The following TRPM6 variants were observed in gnomAD, a reference collection of about 807,000 sequenced individuals.
TRPM6 encodes transient receptor potential cation channel subfamily M member 6, also known as channel kinase 2.
In TRPM6, 111 loss-of-function variants were observed where a neutral mutation model predicts 247.6. The observed-to-expected ratio is 0.45, with a 90% CI of 0.38 to 0.52. The LOEUF (loss-of-function observed/expected upper bound fraction) is 0.52. Among genes scored for constraint, TRPM6 ranks in the 20% least tolerant of loss-of-function variants. The pLI, the probability that TRPM6 is intolerant of heterozygous loss-of-function variation, is 0.00. For missense variants in TRPM6, 2,126 were observed against 2,421.5 expected (o/e 0.88, Z 2.56); for synonymous variants, 892 against 853.8 (o/e 1.04, Z -0.78).
At chr9:74,761,153 T>C (rs1185612517) in intron 27 of TRPM6, among the ~76,000 whole-genome samples, 1 of 152,186 alleles carries the variant, frequency 6.6e-6, no homozygotes, top group Non-Finnish European at 1.5e-5. Context: ...TGCTCATAAA[T>C]TACTGGTGGG....
intron 11 of TRPM6, among the ~76,000 whole-genome samples, chr9:74,813,962 T>C (rs959676755): frequency 6.6e-6 from 1 of 152,092 alleles, no homozygotes; most frequent in Non-Finnish European, 1.5e-5. Context: ...CCAGGTGTGG[T>C]GGCAGGAACC....
chr9:74,840,185 A>G lies in TRPM6; in HGVS notation c.383T>C (p.Leu128Ser), dbSNP rs746825116. The G allele has an allele frequency of 1.2e-6, 2 of 1,614,050 alleles. No homozygotes were observed. Among genetic ancestry groups the G allele is most frequent in the African/African-American group, 1.3e-5 (1 of 74,932 alleles). Residue 128 changes from leucine (L) to serine (S), a missense_variant, in exon 5 of 39, where the codon TTG becomes TCG. Physicochemically the swap from Leu to Ser is moderately radical, Grantham distance 145. Transcript: ENST00000360774. ...TKLDHLLHLM[L>S]KEWKMELPKL... ...GGGCAGTTCCATTTTCCACTCTTTC[A>G]ACATTAAATGTAACAGATGATCCAG...
intron 17 of TRPM6, among the ~76,000 whole-genome samples, chr9:74,797,911 C>T (rs1828158042): frequency 6.6e-6 from 1 of 152,170 alleles, no homozygotes. Context: ...AGTATACCGT[C>T]ACCTTCTGTT....
intron 3 of TRPM6, among the ~76,000 whole-genome samples, chr9:74,846,119 T>A (rs979000047): frequency 4.6e-5 from 7 of 152,250 alleles, no homozygotes; most frequent in African/African-American, 1.7e-4. Flanking sequence ...GTACAGTTCC[T>A]ACTGTGACTT....
chr9:74,755,533 C>T (rs573692280), intron 27 of TRPM6, 60 bp from the exon 28 acceptor site: 1 of 1,602,568 alleles, frequency 6.2e-7, no homozygotes, highest in South Asian at 1.1e-5. Context: ...CTGTGAGTCA[C>T]ACTAACAGAA....
chr9:74,812,049 G>A (rs984001645), intron 12 of TRPM6, among the ~76,000 whole-genome samples: 1 of 152,144 alleles, frequency 6.6e-6, no homozygotes, highest in African/African-American at 2.4e-5. Flanking sequence ...AGCCATTTTG[G>A]TGCCTTCATG....
intron 36 of TRPM6, among the ~76,000 whole-genome samples, chr9:74,735,098 T>A (rs1339413618): frequency 6.6e-6 from 1 of 151,880 alleles, no homozygotes. Context: ...CGTGTGCCTG[T>A]GGTCCCAGTT....
rs550382543 is a variant in TRPM6, at chr9:74,777,076, G to A, written c.3210-1000C>T. Among the ~76,000 whole-genome samples the A allele has an allele frequency of 1.9e-3, 292 of 152,326 alleles. 1 individual carries two copies. Among genetic ancestry groups the A allele is most frequent in the Middle Eastern group, 6.8e-3 (2 of 294 alleles). On this transcript the variant is annotated intron_variant, in intron 23 of 38. Transcript: ENST00000360774. Reference sequence around the variant, plus strand: ...TAAAGAAGGTGATTGAAACATAGATGACTGGGTTATATCAGGAGTTCTCAA... The same window carrying A: ...TAAAGAAGGTGATTGAAACATAGATAACTGGGTTATATCAGGAGTTCTCAA...
At chr9:74,777,514 C>T (rs935997813) in intron 23 of TRPM6, among the ~76,000 whole-genome samples, 2 of 152,198 alleles carry the variant, frequency 1.3e-5, no homozygotes, top group African/African-American at 4.8e-5. Flanking sequence ...CTTTATTTAT[C>T]TAGCTCAAAG....
intron 36 of TRPM6, among the ~76,000 whole-genome samples, 153 bp from the exon 37 acceptor site, chr9:74,732,889 C>T (rs192348505): frequency 3.3e-5 from 5 of 152,224 alleles, no homozygotes; most frequent in Admixed American, 3.3e-4. Flanking sequence ...CACCACTAAG[C>T]AATACTGGCA....
In TRPM6 at chr9:74,865,073, C is replaced by CA. The variant is rs36103454; in HGVS notation, c.34-6326dup. ...GGGCAATGAGAGAGAAATTCCCTCTCAAAAAAAAAAAAAAAATGGAACGTC... is the reference window on the plus strand; with the variant it reads ...GGGCAATGAGAGAGAAATTCCCTCTCAAAAAAAAAAAAAAAAATGGAACGTC... On this transcript the variant is annotated intron_variant, in intron 1 of 38. Transcript: ENST00000360774. 4.6e-3 allele frequency among the ~76,000 whole-genome samples: 565 copies of CA among 123,098 alleles called. 3 individuals carry two copies. The highest frequency in any genetic ancestry group is 4.9e-3 in the Non-Finnish European group (281 of 56,878). The allele number at this position is 123,098 out of a possible 152,430, so 80.8% of individuals were successfully genotyped here.
intron 1 of TRPM6, chr9:74,887,180 G>A (rs1325003000): frequency 8.4e-7 from 1 of 1,187,400 alleles, no homozygotes; most frequent in Non-Finnish European, 1.1e-6. Flanking sequence ...TGCAAGTCCG[G>A]GCGGCGCCGC....
rs1242962901 is a variant in TRPM6 at position 74,816,722 on chromosome 9, C to A, written c.1255G>T (p.Asp419Tyr). 6 of 1,614,142 alleles carry A rather than the reference C, an allele frequency of 3.7e-6. No homozygotes were observed. The highest frequency in any genetic ancestry group is 5.1e-6 in the Non-Finnish European group (6 of 1,180,036). ...TGTTTCTTGGCAATGTCCACCCTGT[C>A]CCAAGCCATTGCCAGATTTAATTGC... ...SEQLNLAMAW[D>Y]RVDIAKKHIL... The change falls in exon 11 of 39, where the codon GAC (aspartate) becomes TAC (tyrosine). Residue 419 changes from aspartate to tyrosine, a missense_variant. Around this residue, in one of 3 missense-constraint regions of TRPM6, gnomAD observed 1,082 missense variants for 1,307.9 expected, o/e 0.83. Transcript: ENST00000360774.
intron 18 of TRPM6, among the ~76,000 whole-genome samples, chr9:74,796,226 T>C (rs1280968335): frequency 1.3e-5 from 2 of 152,216 alleles, no homozygotes; most frequent in Admixed American, 6.5e-5. Flanking sequence ...AAGCCATTTA[T>C]AGTGAACAGA....
chr9:74,780,409 G>A (rs550028246), intron 23 of TRPM6, among the ~76,000 whole-genome samples: 19 of 151,734 alleles, frequency 1.3e-4, no homozygotes, highest in African/African-American at 3.4e-4. Flanking sequence ...AGCTGAGATC[G>A]TGCCATTGCA....
intron 16 of TRPM6, among the ~76,000 whole-genome samples, chr9:74,801,502 T>A (rs1356357031): frequency 6.6e-6 from 1 of 152,162 alleles, no homozygotes; most frequent in African/African-American, 2.4e-5. Flanking sequence ...TTTAAGACAA[T>A]GCATTTATTT....
At chr9:74,785,349 T>TA (rs1433799618) in intron 21 of TRPM6, among the ~76,000 whole-genome samples, 1 of 152,198 alleles carries the variant, frequency 6.6e-6, no homozygotes, top group East Asian at 1.9e-4. Context: ...AATGTACATT[T>TA]AAAAATAACT....
intron 6 of TRPM6, among the ~76,000 whole-genome samples, chr9:74,832,457 G>C (rs1256037137): frequency 6.6e-6 from 1 of 152,088 alleles, no homozygotes; most frequent in Admixed American, 6.5e-5. Flanking sequence ...GACTAGACTG[G>C]ATAGTCAGTG....
Position 74,786,066 on chromosome 9 carries a change from G to A in TRPM6, c.2727C>T (p.Tyr909=), listed in dbSNP as rs974592180. 4 of 1,614,072 alleles carry A rather than the reference G, an allele frequency of 2.5e-6. No homozygotes were observed. The African/African-American group carries it at 5.3e-5, about 22-fold the overall frequency. ...TGGCCACAGTTTCTGTTAAGTTCCA[G>A]TACTCACTAATCCATACCTTCACCT... is the stretch of plus-strand genomic sequence containing the variant. ...TQKVKVWISE[Y]WNLTETVAIG... Residue 909 remains tyrosine, a synonymous_variant, in exon 21 of 39, where the codon TAC becomes TAT. Transcript: ENST00000360774.
Sources: allele counts gnomAD v4.1 joint callset (sites outside exome capture counted in the v4.1 genomes callset), GRCh38; gene constraint gnomAD v4.1.1; regional missense constraint gnomAD v4.1.1; transcripts MANE v1.5; gene names NCBI Gene and HGNC (gene_info 2026-07-23, HGNC 2026-07-21).